Variants in GABBR2 observed in about 807,000 individuals in gnomAD.
GABBR2 encodes gamma-aminobutyric acid type B receptor subunit 2.
Under a neutral mutation model 105.6 loss-of-function variants are expected in GABBR2, and 23 were observed. The ratio of observed to expected loss-of-function variants is 0.22; its 90% CI spans 0.16 to 0.31. The LOEUF is 0.31. GABBR2 is among the 10% of genes least tolerant of loss of function. The pLI is 1.00. For missense variants in GABBR2, 734 were observed against 1,245.5 expected (o/e 0.59, Z 6.18); for synonymous variants, 478 against 499.7 (o/e 0.96, Z 0.58).
Position 98,454,194 on chromosome 9 carries a change from C to T in GABBR2, c.1023G>A (p.Glu341=). The T allele has an allele frequency of 6.2e-7, 1 of 1,613,056 alleles. No individual in the cohort carries two copies. The highest frequency in any genetic ancestry group is 1.1e-5 in the South Asian group (1 of 91,054). The part of the protein sequence containing the change: ...SGKTPQQYER[E]YNNKRSGVGP... ...CCACGCCTGACCGCTTGTTGTTGTA[C>T]TCTCTCTCATACTGCTGTGGAGTCT... Residue 341 remains glutamate, a synonymous_variant, in exon 7 of 19, where the codon GAG becomes GAA. Transcript: ENST00000259455. The surrounding 1 kb of genome is among the most constrained non-coding windows in gnomAD (Gnocchi z 4.6).
chr9:98,412,244 C>A (rs1485369596), intron 7 of GABBR2, among the ~76,000 whole-genome samples: 2 of 152,254 alleles, frequency 1.3e-5, no homozygotes, highest in Non-Finnish European at 2.9e-5. Context: ...TGAAGCTACT[C>A]TGAGTGAAGA....
At chr9:98,605,497 A>G (rs577193881) in intron 1 of GABBR2, among the ~76,000 whole-genome samples, 2 of 152,324 alleles carry the variant, frequency 1.3e-5, no homozygotes, top group African/African-American at 4.8e-5. Context: ...GGAAACCCAC[A>G]AGCCCAGCTT....
chr9:98,522,333 A>G (rs1173706481), intron 3 of GABBR2, among the ~76,000 whole-genome samples: 1 of 152,134 alleles, frequency 6.6e-6, no homozygotes, highest in Non-Finnish European at 1.5e-5. Context: ...TTAAAGATAT[A>G]ATAAAAGAAA....
intron 1 of GABBR2, among the ~76,000 whole-genome samples, chr9:98,590,048 G>A (rs533108444): frequency 2.0e-5 from 3 of 152,168 alleles, no homozygotes; most frequent in South Asian, 2.1e-4. Context: ...TATCTTATTC[G>A]CCTCTGTCCC....
chr9:98,704,316 T>A (rs1564156279), intron 1 of GABBR2, among the ~76,000 whole-genome samples: 1 of 152,232 alleles, frequency 6.6e-6, no homozygotes, highest in Non-Finnish European at 1.5e-5. Flanking sequence ...CTACATTGGA[T>A]CTTGGCATCA....
chr9:98,635,240 T>A (rs1400081168), intron 1 of GABBR2, among the ~76,000 whole-genome samples: 1 of 152,190 alleles, frequency 6.6e-6, no homozygotes, highest in Admixed American at 6.5e-5. Flanking sequence ...CACCCAGAAC[T>A]TCTAGCAACC....
chr9:98,670,222 C>T (rs1311590456), intron 1 of GABBR2, among the ~76,000 whole-genome samples: 2 of 151,760 alleles, frequency 1.3e-5, no homozygotes, highest in African/African-American at 4.8e-5. Flanking sequence ...AGTATATTCA[C>T]ACATATGCAC....
chr9:98,382,498 T>C (rs1263347870), intron 11 of GABBR2, among the ~76,000 whole-genome samples: 3 of 152,076 alleles, frequency 2.0e-5, no homozygotes, highest in African/African-American at 7.2e-5. Flanking sequence ...TATTTTTAAG[T>C]AGAGATGGGG....
At chr9:98,468,735 G>C (rs1028860391) in intron 6 of GABBR2, among the ~76,000 whole-genome samples, 2 of 152,202 alleles carry the variant, frequency 1.3e-5, no homozygotes, top group Non-Finnish European at 1.5e-5. Context: ...GGGAGAGAAT[G>C]TGACTTGCTG....
chr9:98,665,371 T>G (rs1425762279), intron 1 of GABBR2, among the ~76,000 whole-genome samples: 1 of 152,144 alleles, frequency 6.6e-6, no homozygotes, highest in Non-Finnish European at 1.5e-5. Context: ...TAAGAAGACC[T>G]CTTCAGGTTC....
chr9:98,299,588 A>G lies in GABBR2; in HGVS notation c.2413-235T>C, dbSNP rs1237755774. On this transcript the variant is annotated intron_variant, in intron 16 of 18. Transcript: ENST00000259455. Reference sequence around the variant, plus strand: ...GGCTTTGCAATTATGTGTTCAGTGTAGGCTTGGGCCTTGATGAAGCAGACA... The same window carrying G: ...GGCTTTGCAATTATGTGTTCAGTGTGGGCTTGGGCCTTGATGAAGCAGACA... Among the ~76,000 whole-genome samples, 4 of 152,206 alleles carry G rather than the reference A, an allele frequency of 2.6e-5. No individual in the cohort carries two copies. The East Asian group carries it at 7.7e-4, about 29-fold the overall frequency.
intron 13 of GABBR2, among the ~76,000 whole-genome samples, chr9:98,328,315 A>G (rs1830961309): frequency 6.6e-6 from 1 of 152,268 alleles, no homozygotes; most frequent in East Asian, 1.9e-4. Context: ...CAGAAACTTA[A>G]CAATACAGCC....
At chr9:98,482,624 T>C (rs1012895144) in intron 4 of GABBR2, among the ~76,000 whole-genome samples, 2 of 152,184 alleles carry the variant, frequency 1.3e-5, no homozygotes, top group Admixed American at 6.5e-5. Flanking sequence ...CTAAACATGG[T>C]ATGGTAAAAA....
intron 13 of GABBR2, among the ~76,000 whole-genome samples, chr9:98,339,931 G>C (rs1216921693): frequency 1.3e-5 from 2 of 152,154 alleles, no homozygotes; most frequent in African/African-American, 4.8e-5. Flanking sequence ...CGGTAGGATT[G>C]CTCTTCCCTG....
At chr9:98,524,879 G>A (rs1216332423) in intron 3 of GABBR2, among the ~76,000 whole-genome samples, 5 of 151,864 alleles carry the variant, frequency 3.3e-5, no homozygotes, top group Non-Finnish European at 7.4e-5. Flanking sequence ...ATGGTCAGTC[G>A]ATTTCAACAA....
intron 13 of GABBR2, among the ~76,000 whole-genome samples, chr9:98,362,159 T>A (rs1831596961): frequency 6.6e-6 from 1 of 152,100 alleles, no homozygotes; most frequent in Non-Finnish European, 1.5e-5. Flanking sequence ...GACTCAAAAT[T>A]CCCTAATCTG....
At chr9:98,478,302 C>T (rs997709629) in intron 5 of GABBR2, among the ~76,000 whole-genome samples, 24 of 152,074 alleles carry the variant, frequency 1.6e-4, no homozygotes, top group Admixed American at 2.6e-4. Context: ...CTGCTCTGAG[C>T]GTCCCCTCCC....
chr9:98,602,842 C>T (rs557598580), intron 1 of GABBR2, among the ~76,000 whole-genome samples: 15 of 152,308 alleles, frequency 9.8e-5, no homozygotes, highest in Middle Eastern at 3.4e-3. Flanking sequence ...GATTCCACAA[C>T]GTGGGGCCAT....
At position 98,436,334 on chromosome 9, in the gene GABBR2, ACACACAC is replaced by A. The variant is rs1825908787; in HGVS notation, c.1236+17640_1236+17646del. ...AAATATACCATATATATATATATAC[ACACACAC>A]ACACACCATATATATATATATATAT... is the stretch of plus-strand genomic sequence containing the variant. On this transcript the variant is annotated intron_variant, in intron 7 of 18. Transcript: ENST00000259455. Among the ~76,000 whole-genome samples, 10 of 20,908 alleles carry A rather than the reference ACACACAC, an allele frequency of 4.8e-4. 2 individuals carry two copies. The highest frequency in any genetic ancestry group is 2.8e-3 in the African/African-American group (10 of 3,592). 13.7% of individuals were successfully genotyped at this position (20,908 alleles called of 152,430 possible). A position where few individuals can be genotyped will look rare whatever the true frequency, so the allele number is the denominator to read the frequency against.
Sources: gnomAD v4.1 joint callset for allele counts (sites outside exome capture counted in the v4.1 genomes callset) on GRCh38, gnomAD v4.1.1 for gene constraint, Gnocchi (gnomAD v3.1) non-coding constraint, MANE v1.5 for transcripts, NCBI Gene and HGNC (gene_info 2026-07-23, HGNC 2026-07-21) for gene names.